Variants in MAML2 observed in about 807,000 individuals in gnomAD.
The protein encoded by MAML2 is mastermind-like protein 2.
MAML2 carries 22 observed loss-of-function variants against 96.1 expected under a neutral mutation model. The observed-to-expected ratio is 0.23, with a 90% confidence interval of 0.16 to 0.33. The LOEUF (loss-of-function observed/expected upper bound fraction) is 0.33, where lower values mean the gene tolerates loss of function less well. Among genes scored for constraint, MAML2 ranks in the 10% least tolerant of loss-of-function variants. MAML2 has a pLI of 1.00. For missense variants in MAML2, 1,367 were observed against 1,392.4 expected (o/e 0.98, Z 0.29); for synonymous variants, 561 against 521.3 (o/e 1.08, Z -1.04).
chr11:96,337,634 C>A (rs767223538), intron 1 of MAML2, among the ~76,000 whole-genome samples: 3 of 152,126 alleles, frequency 2.0e-5, no homozygotes, highest in East Asian at 1.9e-4. Flanking sequence ...TATACGGATA[C>A]GTCAGTCTTA....
chr11:95,980,033 T>C (rs2135699146), intron 4 of MAML2, 70 bp from the exon 5 acceptor site: 1 of 1,211,706 alleles, frequency 8.3e-7, no homozygotes, highest in Admixed American at 2.6e-5. Flanking sequence ...CACTTTTCAA[T>C]AACTCATCAA....
chr11:96,238,048 C>T (rs1391828164), intron 1 of MAML2, among the ~76,000 whole-genome samples: 1 of 152,162 alleles, frequency 6.6e-6, no homozygotes, highest in Non-Finnish European at 1.5e-5. Flanking sequence ...GTTAAAGTAA[C>T]CAAAGGAGCT....
intron 1 of MAML2, among the ~76,000 whole-genome samples, chr11:96,304,855 T>A (rs763175924): frequency 6.6e-6 from 1 of 152,250 alleles, no homozygotes; most frequent in Admixed American, 6.5e-5. Context: ...AATGTGTTTA[T>A]GCTATGTTAT....
At chr11:96,169,161 T>G (rs993078758) in intron 1 of MAML2, among the ~76,000 whole-genome samples, 3 of 152,202 alleles carry the variant, frequency 2.0e-5, no homozygotes, top group African/African-American at 4.8e-5. Flanking sequence ...CTGAACGAGT[T>G]AATAACCCTT....
At chr11:96,259,740 G>A (rs1413493507) in intron 1 of MAML2, among the ~76,000 whole-genome samples, 7 of 152,112 alleles carry the variant, frequency 4.6e-5, no homozygotes. Context: ...AGCAAGGCAG[G>A]GAATTGTCAT....
At chr11:96,105,502 G>T (rs1293595604) in intron 1 of MAML2, among the ~76,000 whole-genome samples, 1 of 152,170 alleles carries the variant, frequency 6.6e-6, no homozygotes, top group Non-Finnish European at 1.5e-5. Context: ...GCAATTTCAG[G>T]CTCATCTTTA....
intron 1 of MAML2, among the ~76,000 whole-genome samples, chr11:96,158,042 T>C (rs1861039885): frequency 1.3e-5 from 2 of 152,200 alleles, no homozygotes; most frequent in African/African-American, 2.4e-5. Context: ...GTGGTTTTAG[T>C]ATTCAAAAGA....
intron 1 of MAML2, among the ~76,000 whole-genome samples, chr11:96,289,790 G>A (rs1565274526): frequency 6.6e-6 from 1 of 151,974 alleles, no homozygotes; most frequent in Non-Finnish European, 1.5e-5. Flanking sequence ...TCAGTGAACT[G>A]GGTATACACA....
rs544153706 is a variant in MAML2, at chr11:96,265,397, CA to C, written c.513+75985del. On this transcript the variant is annotated intron_variant, in intron 1 of 4. Coordinates refer to ENST00000524717, the MANE Select transcript of MAML2 (RefSeq NM_032427.4). ...TAACTGAACAGTACAGAAGTCTGCA[CA>C]GAGAAAGTCCTGTTCAAAAGAGAAG... Among the ~76,000 whole-genome samples the C allele has an allele frequency of 2.9e-3, 441 of 150,364 alleles. 3 individuals are homozygous for C. The highest frequency in any genetic ancestry group is 0.011 in the African/African-American group (428 of 39,746).
At chr11:96,031,500 G>A (rs576121553) in intron 2 of MAML2, among the ~76,000 whole-genome samples, 2 of 152,266 alleles carry the variant, frequency 1.3e-5, no homozygotes, top group East Asian at 3.9e-4. Context: ...CCAGAAAAGA[G>A]TATTCCTTAA....
chr11:96,041,828 G>A (rs1371364905), intron 2 of MAML2, among the ~76,000 whole-genome samples: 4 of 151,620 alleles, frequency 2.6e-5, no homozygotes, highest in African/African-American at 4.9e-5. Flanking sequence ...TTTTTTTTGG[G>A]GGACAGAGTT....
chr11:96,186,727 G>A (rs541293113), intron 1 of MAML2, among the ~76,000 whole-genome samples: 1 of 152,330 alleles, frequency 6.6e-6, no homozygotes, highest in South Asian at 2.1e-4. Flanking sequence ...TCATTTTACA[G>A]ATGAGAAACC....
At chr11:96,219,450 A>G (rs2135945237) in intron 1 of MAML2, among the ~76,000 whole-genome samples, 1 of 152,346 alleles carries the variant, frequency 6.6e-6, no homozygotes, top group Middle Eastern at 3.4e-3. Context: ...TATTTTGCTT[A>G]ATATGTTAAC....
chr11:96,041,922 C>T (rs1474122655), intron 2 of MAML2, among the ~76,000 whole-genome samples: 2 of 151,944 alleles, frequency 1.3e-5, no homozygotes, highest in Non-Finnish European at 1.5e-5. Flanking sequence ...GATTCTCCTG[C>T]CTCAGCCTCT....
intron 1 of MAML2, among the ~76,000 whole-genome samples, chr11:96,184,134 A>C (rs12273378): frequency 6.6e-6 from 1 of 152,176 alleles, no homozygotes; most frequent in Non-Finnish European, 1.5e-5. Flanking sequence ...AAAGCCCTAA[A>C]AAGCAACATT....
At chr11:96,147,043 C>G (rs1465123987) in intron 1 of MAML2, among the ~76,000 whole-genome samples, 1 of 152,152 alleles carries the variant, frequency 6.6e-6, no homozygotes, top group African/African-American at 2.4e-5. Flanking sequence ...TATTAAGAAA[C>G]CATTTATAGA....
chr11:96,297,609 G>A (rs1267499760), intron 1 of MAML2, among the ~76,000 whole-genome samples: 1 of 151,918 alleles, frequency 6.6e-6, no homozygotes, highest in Non-Finnish European at 1.5e-5. Context: ...AACAGCAAAC[G>A]TAGAGATATA....
At chr11:95,998,166 G>GTCTA (rs1266970685) in intron 2 of MAML2, among the ~76,000 whole-genome samples, 1 of 147,544 alleles carries the variant, frequency 6.8e-6, no homozygotes, top group African/African-American at 2.6e-5. Flanking sequence ...CTGTCTGTCT[G>GTCTA]TCTGTCTGTC....
chr11:96,012,242 G>A (rs1407235650), intron 2 of MAML2, among the ~76,000 whole-genome samples: 1 of 152,216 alleles, frequency 6.6e-6, no homozygotes, highest in East Asian at 1.9e-4. Flanking sequence ...AAAGAGAACA[G>A]CGGCTTACAT....
Sources: allele counts gnomAD v4.1 joint callset (sites outside exome capture counted in the v4.1 genomes callset), GRCh38; gene constraint gnomAD v4.1.1; transcripts MANE v1.5; gene names NCBI Gene and HGNC (gene_info 2026-07-23, HGNC 2026-07-21).